Variants in SCFD2 observed in about 807,000 individuals in gnomAD.
The protein encoded by SCFD2 is sec1 family domain-containing protein 2.
In SCFD2, 54 loss-of-function variants were observed where a neutral mutation model predicts 58.9. The observed-to-expected ratio is 0.92, with a 90% CI of 0.74 to 1.15. SCFD2 has a LOEUF of 1.15. Among genes scored for constraint, SCFD2 ranks in the 50% most tolerant of loss-of-function variants. The pLI is 0.00. For missense variants in SCFD2, 805 were observed against 836.6 expected (o/e 0.96, Z 0.47); for synonymous variants, 321 against 335.9 (o/e 0.96, Z 0.49).
rs541119058 is a variant in SCFD2, at chr4:53,332,467, C to T, written c.1008-18704G>A. The stretch of plus-strand genomic sequence containing the variant: ...TATACGCAAATCAATAAATGTAATC[C>T]AGCATATAAACAGAACCAAAGAAAA... On this transcript the variant is annotated intron_variant, in intron 2 of 8. Coordinates refer to ENST00000401642, the MANE Select transcript of SCFD2 (RefSeq NM_152540.4). Among the ~76,000 whole-genome samples, 9 of 152,110 alleles carry T rather than the reference C, an allele frequency of 5.9e-5. No homozygotes were observed. In the East Asian group the frequency reaches 1.7e-3, roughly 29 times the overall value.
chr4:53,308,580 C>T (rs542180400), intron 3 of SCFD2, among the ~76,000 whole-genome samples: 10 of 152,092 alleles, frequency 6.6e-5, no homozygotes, highest in Admixed American at 4.6e-4. Flanking sequence ...AAATTTTTCC[C>T]GTGAAGGCAA....
At chr4:53,303,632 G>A (rs960424577) in intron 3 of SCFD2, among the ~76,000 whole-genome samples, 9 of 152,020 alleles carry the variant, frequency 5.9e-5, no homozygotes, top group African/African-American at 1.9e-4. Flanking sequence ...AAATCATGCT[G>A]CTATAAAGAC....
At chr4:53,173,078 A>G (rs73143494) in intron 4 of SCFD2, among the ~76,000 whole-genome samples, 5,384 of 152,192 alleles carry the variant, frequency 0.035, 327 homozygotes, top group African/African-American at 0.12. Flanking sequence ...TGTTGAATCT[A>G]CCTTTTTATC....
At chr4:52,874,757 A>G (rs1718432583) in intron 8 of SCFD2, among the ~76,000 whole-genome samples, 1 of 152,144 alleles carries the variant, frequency 6.6e-6, no homozygotes, top group African/African-American at 2.4e-5. Context: ...TCTTATATAC[A>G]TACAGTCACA....
chr4:53,135,945 C>T (rs1389649530), intron 5 of SCFD2, among the ~76,000 whole-genome samples: 1 of 152,078 alleles, frequency 6.6e-6, no homozygotes, highest in African/African-American at 2.4e-5. Flanking sequence ...TGATTTCAAC[C>T]ATTTTTAAAG....
intron 4 of SCFD2, among the ~76,000 whole-genome samples, chr4:53,207,969 T>A (rs533960797): frequency 6.6e-6 from 1 of 150,916 alleles, no homozygotes; most frequent in Non-Finnish European, 1.5e-5. Context: ...CTTTTTTTTT[T>A]TCCCCCCATA....
chr4:53,089,263 T>G (rs1339147184), intron 5 of SCFD2, among the ~76,000 whole-genome samples: 1 of 152,198 alleles, frequency 6.6e-6, no homozygotes, highest in Non-Finnish European at 1.5e-5. Context: ...TTTTAAGAGT[T>G]CCTTATCTAT....
intron 4 of SCFD2, among the ~76,000 whole-genome samples, chr4:53,178,248 T>C (rs1013266850): frequency 1.3e-5 from 2 of 151,952 alleles, no homozygotes; most frequent in African/African-American, 4.8e-5. Flanking sequence ...GAGGCACCCC[T>C]CAGTAGGGGC....
intron 4 of SCFD2, among the ~76,000 whole-genome samples, chr4:53,238,566 G>GAT (rs1729767534): frequency 1.3e-5 from 2 of 151,318 alleles, no homozygotes; most frequent in Admixed American, 6.6e-5. Context: ...TTCCCAGATG[G>GAT]GGCGGCTGCC....
chr4:53,049,276 CTCTG>C (rs1191263171), intron 5 of SCFD2, among the ~76,000 whole-genome samples: 2 of 152,184 alleles, frequency 1.3e-5, no homozygotes, highest in African/African-American at 4.8e-5. Flanking sequence ...TGACATGGAA[CTCTG>C]TCTGGCACAC....
chr4:53,244,564 T>C (rs1031588632), intron 4 of SCFD2, among the ~76,000 whole-genome samples: 63 of 152,042 alleles, frequency 4.1e-4, no homozygotes, highest in African/African-American at 1.5e-3. Flanking sequence ...AGATACAACA[T>C]ACCAGAATCT....
intron 4 of SCFD2, among the ~76,000 whole-genome samples, chr4:53,149,971 T>C (rs1222059582): frequency 6.6e-6 from 1 of 152,182 alleles, no homozygotes; most frequent in Non-Finnish European, 1.5e-5. Flanking sequence ...GGATGGCCTC[T>C]TGGAATAGTA....
chr4:53,298,487 C>T (rs1310962084), intron 3 of SCFD2, among the ~76,000 whole-genome samples: 1 of 152,206 alleles, frequency 6.6e-6, no homozygotes, highest in Non-Finnish European at 1.5e-5. Flanking sequence ...CTCAAGGAGG[C>T]CTGCCTGCCT....
At chr4:53,238,845 C>T (rs1315954878) in intron 4 of SCFD2, among the ~76,000 whole-genome samples, 2 of 150,950 alleles carry the variant, frequency 1.3e-5, no homozygotes, top group African/African-American at 4.9e-5. Flanking sequence ...GGTGGGATGG[C>T]GGCCGGGCGG....
chr4:53,001,370 G>T (rs1220129361), intron 5 of SCFD2, among the ~76,000 whole-genome samples: 1 of 152,120 alleles, frequency 6.6e-6, no homozygotes, highest in Non-Finnish European at 1.5e-5. Context: ...TTCCCTTTTA[G>T]CGTTACTGAT....
chr4:53,145,649 G>T, intron 4 of SCFD2, 67 bp from the exon 5 acceptor site: 2 of 1,400,124 alleles, frequency 1.4e-6, no homozygotes, highest in East Asian at 2.3e-5. Flanking sequence ...GATTACATTA[G>T]TCGAATGATA....
intron 5 of SCFD2, among the ~76,000 whole-genome samples, chr4:53,130,725 T>G (rs1725764134): frequency 6.6e-6 from 1 of 152,166 alleles, no homozygotes; most frequent in African/African-American, 2.4e-5. Flanking sequence ...AAAACCCTCT[T>G]TTTTCGTGGG....
At chr4:53,179,802 G>A (rs1253497440) in intron 4 of SCFD2, among the ~76,000 whole-genome samples, 1 of 152,148 alleles carries the variant, frequency 6.6e-6, no homozygotes. Context: ...AGGAGTGGAG[G>A]AAGACCTACC....
intron 4 of SCFD2, among the ~76,000 whole-genome samples, chr4:53,249,424 G>C (rs1005341935): frequency 6.6e-6 from 1 of 152,182 alleles, no homozygotes; most frequent in African/African-American, 2.4e-5. Flanking sequence ...TAGCAAGGCA[G>C]GCCAACGTTC....
Sources: allele counts gnomAD v4.1 joint callset (sites outside exome capture counted in the v4.1 genomes callset), GRCh38; gene constraint gnomAD v4.1.1; transcripts MANE v1.5; gene names NCBI Gene and HGNC (gene_info 2026-07-23, HGNC 2026-07-21).